Variants in SEMA3D observed in about 807,000 individuals in gnomAD.
SEMA3D encodes the protein semaphorin 3D.
A neutral mutation model predicts 100.1 loss-of-function variants in SEMA3D; 84 were observed. That is an observed-to-expected ratio of 0.84 (90% CI 0.70 to 1.01). The LOEUF (loss-of-function observed/expected upper bound fraction) is 1.01. Ranked by LOEUF, SEMA3D falls within the 50% of genes least tolerant of loss-of-function variation. The pLI is 0.00. For missense variants in SEMA3D, 875 were observed against 934.1 expected, an observed-to-expected ratio of 0.94 and a Z score of 0.82; for synonymous variants, 312 against 320.7, an observed-to-expected ratio of 0.97 and a Z score of 0.29.
intron 12 of SEMA3D, among the ~76,000 whole-genome samples, chr7:85,032,681 G>A (rs1790579823): frequency 6.6e-6 from 1 of 151,990 alleles, no homozygotes; most frequent in Non-Finnish European, 1.5e-5. Flanking sequence ...TTTATATTAT[G>A]TGGTTTCTGC....
rs1584535283 is a variant in SEMA3D, at chr7:85,029,208, C to A, written c.1192-6595G>T. On this transcript the variant is annotated intron_variant, in intron 12 of 18. Coordinates refer to ENST00000284136, the MANE Select transcript of SEMA3D (RefSeq NM_001384900.1). ...CGTACCTCCTGCACACCATGGTGCT[C>A]ATCAGATTGAAGTCACCTTTGATAT... The A allele has an allele frequency of 7.1e-6, 5 of 706,632 alleles. No individual in the cohort carries two copies. In the South Asian group the frequency reaches 7.2e-5, roughly 10 times the overall value. 43.8% of individuals were successfully genotyped at this position (706,632 alleles called of 1,614,324 possible). A position where few individuals can be genotyped will look rare whatever the true frequency, so the allele number is the denominator to read the frequency against.
the SEMA3D span, among the ~76,000 whole-genome samples, chr7:85,228,940 A>G: frequency 6.6e-6 from 1 of 152,058 alleles, no homozygotes; most frequent in East Asian, 1.9e-4. Context: ...AGTTTATAAA[A>G]TGCTTTACCT....
At chr7:85,099,419 C>T (rs116574441) in intron 3 of SEMA3D, among the ~76,000 whole-genome samples, 4,316 of 152,018 alleles carry the variant, frequency 0.028, 204 homozygotes, top group African/African-American at 0.098. Context: ...ATTGCGAGGC[C>T]TCAGCCATGT....
rs139282796 is a variant in SEMA3D at position 85,141,046 on chromosome 7, A to G, written c.-41+12562T>C. 8.7e-6 allele frequency: 7 copies of G among 803,316 alleles called. No individual in the cohort carries two copies. The East Asian group carries it at 7.5e-4, about 86-fold the overall frequency. 49.8% of individuals were successfully genotyped at this position (803,316 alleles called of 1,614,324 possible). On this transcript the variant is annotated intron_variant, in intron 2 of 18. Coordinates refer to ENST00000284136, the MANE Select transcript of SEMA3D (RefSeq NM_001384900.1). ...CTAATGAGTTAATTGTTTCCACTTT[A>G]CTCATCACTATGTTTTCATTTTATT...
the SEMA3D span, among the ~76,000 whole-genome samples, chr7:85,217,789 G>A: frequency 6.6e-6 from 1 of 151,980 alleles, no homozygotes; most frequent in African/African-American, 2.4e-5. Flanking sequence ...ATTTATACAT[G>A]GAGATAATCG....
chr7:85,169,622 G>A (rs966861396), intron 1 of SEMA3D, among the ~76,000 whole-genome samples: 10 of 151,654 alleles, frequency 6.6e-5, no homozygotes, highest in African/African-American at 1.5e-4. Context: ...ATTGAGAAAA[G>A]GATAATCATT....
At chr7:85,047,275 ATCT>A (rs1465557755) in intron 9 of SEMA3D, among the ~76,000 whole-genome samples, 4 of 151,934 alleles carry the variant, frequency 2.6e-5, no homozygotes, top group Non-Finnish European at 4.4e-5. Flanking sequence ...AATTACTAAG[ATCT>A]TCTAATCATA....
intron 1 of SEMA3D, among the ~76,000 whole-genome samples, chr7:85,166,974 A>G: frequency 6.6e-6 from 1 of 151,954 alleles, no homozygotes; most frequent in Non-Finnish European, 1.5e-5. Flanking sequence ...GATGGTGTAC[A>G]GTGAATGTGA....
At chr7:85,046,685 C>T (rs1387530130) in intron 9 of SEMA3D, among the ~76,000 whole-genome samples, 1 of 151,880 alleles carries the variant, frequency 6.6e-6, no homozygotes, top group African/African-American at 2.4e-5. Flanking sequence ...TGTATTTCTC[C>T]TGTAGGGAAA....
chr7:85,164,554 G>A (rs556884722), intron 1 of SEMA3D, among the ~76,000 whole-genome samples: 1 of 152,184 alleles, frequency 6.6e-6, no homozygotes, highest in South Asian at 2.1e-4. Context: ...AAGATGCATG[G>A]ATTTCTTCAT....
At chr7:85,210,514 A>C in the SEMA3D span, among the ~76,000 whole-genome samples, 42 of 152,180 alleles carry the variant, frequency 2.8e-4, no homozygotes, top group Middle Eastern at 0.01. Flanking sequence ...GATTCTATGT[A>C]ACTAGAGTCA....
In SEMA3D at chr7:85,065,698, A is replaced by G. The variant is rs533951887; in HGVS notation, c.590-146T>C. ...TTTCATAAATTTCACAGATTTTGAA[A>G]ATTTATCTCAGTTGAAGAAAAGATA... On this transcript the variant is annotated intron_variant, in intron 7 of 18. Transcript: ENST00000284136. 2.1e-4 allele frequency: 135 copies of G among 631,264 alleles called. 2 individuals are homozygous for G. In the East Asian group the frequency reaches 2.9e-3, roughly 13 times the overall value. 39.1% of individuals were successfully genotyped at this position (631,264 alleles called of 1,614,324 possible). A position where few individuals can be genotyped will look rare whatever the true frequency, so the allele number is the denominator to read the frequency against.
intron 2 of SEMA3D, among the ~76,000 whole-genome samples, chr7:85,149,878 T>C (rs1386486965): frequency 6.6e-6 from 1 of 152,168 alleles, no homozygotes; most frequent in East Asian, 1.9e-4. Flanking sequence ...AACACAACAA[T>C]ACTCACTATT....
intron 2 of SEMA3D, among the ~76,000 whole-genome samples, chr7:85,132,964 A>C (rs1378158193): frequency 6.6e-6 from 1 of 151,982 alleles, no homozygotes; most frequent in African/African-American, 2.4e-5. Context: ...TTCAGAAAGT[A>C]ACTTGCAGTT....
intron 4 of SEMA3D, among the ~76,000 whole-genome samples, chr7:85,093,722 G>C (rs955978221): frequency 5.9e-5 from 9 of 151,922 alleles, no homozygotes; most frequent in African/African-American, 2.2e-4. Flanking sequence ...AAAATTTAAA[G>C]AAACACACTA....
chr7:85,048,705 T>TA, intron 9 of SEMA3D, among the ~76,000 whole-genome samples: 1 of 151,968 alleles, frequency 6.6e-6, no homozygotes, highest in South Asian at 2.1e-4. Flanking sequence ...TTGGGATTTT[T>TA]AAAAAAGGAT....
At chr7:85,211,202 G>A in the SEMA3D span, among the ~76,000 whole-genome samples, 239 of 152,094 alleles carry the variant, frequency 1.6e-3, no homozygotes, top group African/African-American at 5.6e-3. Flanking sequence ...AGGTAAACGG[G>A]TTCCCAAAAG....
At chr7:85,191,558 A>G (rs1229046233), upstream of SEMA3D, among the ~76,000 whole-genome samples, 1 of 152,176 alleles carries the variant, frequency 6.6e-6, no homozygotes, top group Non-Finnish European at 1.5e-5. Context: ...GAGTGACGAA[A>G]TAAAGAAAAA....
the SEMA3D span, among the ~76,000 whole-genome samples, chr7:85,243,199 C>A: frequency 1.3e-5 from 2 of 152,116 alleles, no homozygotes; most frequent in Non-Finnish European, 2.9e-5. Context: ...TGAAGGCAAG[C>A]CTTGTTTATG....
Sources: gnomAD v4.1 joint callset for allele counts (sites outside exome capture counted in the v4.1 genomes callset) on GRCh38, gnomAD v4.1.1 for gene constraint, MANE v1.5 for transcripts, NCBI Gene and HGNC (gene_info 2026-07-23, HGNC 2026-07-21) for gene names.